Variants in ITFG1 observed in about 807,000 individuals in gnomAD.
The protein encoded by ITFG1 is T-cell immunomodulatory protein.
In ITFG1, 34 loss-of-function variants were observed where a neutral mutation model predicts 81.8. The ratio of observed to expected loss-of-function variants is 0.42; its 90% confidence interval spans 0.32 to 0.55. The LOEUF is 0.55. Ranked by LOEUF, ITFG1 falls within the 20% of genes least tolerant of loss-of-function variation. ITFG1 has a pLI of 0.17. For missense variants in ITFG1, 672 were observed against 755.4 expected (o/e 0.89, Z 1.29); for synonymous variants, 285 against 270.6 (o/e 1.05, Z -0.52).
intron 6 of ITFG1, among the ~76,000 whole-genome samples, chr16:47,415,919 C>G (rs1254438517): frequency 1.3e-5 from 2 of 152,054 alleles, no homozygotes; most frequent in East Asian, 1.9e-4. Flanking sequence ...CATGGTGAAA[C>G]CCCGTCTCTA....
chr16:47,445,111 T>TAA (rs61015312), intron 5 of ITFG1, among the ~76,000 whole-genome samples: 2 of 131,938 alleles, frequency 1.5e-5, no homozygotes, highest in Non-Finnish European at 1.7e-5. Context: ...AAATGTACAT[T>TAA]AAAAAAAAAA....
At chr16:47,291,524 C>T (rs1966905600) in intron 10 of ITFG1, among the ~76,000 whole-genome samples, 1 of 152,106 alleles carries the variant, frequency 6.6e-6, no homozygotes, top group Non-Finnish European at 1.5e-5. Flanking sequence ...ATTTCATTAA[C>T]CAGATTTTCT....
chr16:47,222,899 T>A (rs143903657), intron 13 of ITFG1, among the ~76,000 whole-genome samples: 16 of 152,202 alleles, frequency 1.1e-4, no homozygotes, highest in African/African-American at 3.9e-4. Context: ...GGGTGGAGAG[T>A]TCTGTAGATG....
chr16:47,270,308 C>T (rs1451590354), intron 10 of ITFG1, among the ~76,000 whole-genome samples: 1 of 152,080 alleles, frequency 6.6e-6, no homozygotes, highest in Non-Finnish European at 1.5e-5. Context: ...AATGACATAT[C>T]CAATAACAAA....
intron 7 of ITFG1, among the ~76,000 whole-genome samples, chr16:47,373,570 C>A (rs1384348311): frequency 1.3e-5 from 2 of 152,146 alleles, no homozygotes; most frequent in African/African-American, 4.8e-5. Flanking sequence ...TGTGAGCCAC[C>A]ACACCTGGCC....
At chr16:47,357,223 T>C (rs1234964667) in intron 8 of ITFG1, among the ~76,000 whole-genome samples, 1 of 152,166 alleles carries the variant, frequency 6.6e-6, no homozygotes, top group Non-Finnish European at 1.5e-5. Context: ...AGCAATATAA[T>C]AATGTAAAAT....
chr16:47,425,185 G>A (rs1384500633), intron 6 of ITFG1, among the ~76,000 whole-genome samples: 2 of 152,140 alleles, frequency 1.3e-5, no homozygotes, highest in Admixed American at 6.5e-5. Flanking sequence ...CTGCAGCATC[G>A]CAGGTTGATC....
intron 8 of ITFG1, among the ~76,000 whole-genome samples, chr16:47,356,045 G>C (rs1381350917): frequency 1.3e-5 from 2 of 152,172 alleles, no homozygotes; most frequent in Non-Finnish European, 2.9e-5. Flanking sequence ...TGAAGAAGGA[G>C]TGTATAGTGT....
chr16:47,430,916 T>C (rs1173395531), intron 5 of ITFG1, among the ~76,000 whole-genome samples: 2 of 152,196 alleles, frequency 1.3e-5, no homozygotes, highest in African/African-American at 4.8e-5. Flanking sequence ...CAAGTGGAAA[T>C]AACACGAATT....
At chr16:47,425,869 G>A (rs1364777179) in intron 6 of ITFG1, 2 of 152,100 alleles carry the variant, frequency 1.3e-5, no homozygotes, top group African/African-American at 4.8e-5. Flanking sequence ...GGGATTACAG[G>A]AGTGAGTCAC....
chr16:47,389,922 A>G (rs1968509502), intron 6 of ITFG1, among the ~76,000 whole-genome samples: 1 of 152,266 alleles, frequency 6.6e-6, no homozygotes, highest in Non-Finnish European at 1.5e-5. Context: ...TGTAAACTCA[A>G]CTGTTGCAAT....
At chr16:47,323,471 A>T (rs759940300) in intron 8 of ITFG1, among the ~76,000 whole-genome samples, 1 of 150,916 alleles carries the variant, frequency 6.6e-6, no homozygotes, top group Non-Finnish European at 1.5e-5. Context: ...GTATTATCAG[A>T]TGTGGCTATT....
intron 14 of ITFG1, among the ~76,000 whole-genome samples, chr16:47,217,615 T>C (rs1965640039): frequency 6.6e-6 from 1 of 152,216 alleles, no homozygotes; most frequent in Non-Finnish European, 1.5e-5. Context: ...CTGCTGTGAC[T>C]GACAGTGGTA....
intron 12 of ITFG1, among the ~76,000 whole-genome samples, chr16:47,251,111 T>A (rs1966068954): frequency 6.6e-6 from 1 of 152,226 alleles, no homozygotes; most frequent in Non-Finnish European, 1.5e-5. Context: ...AGCAAAGCAG[T>A]GAGTTCCTCC....
In ITFG1 at chr16:47,429,706, G is replaced by A. The variant is rs538176417; in HGVS notation, c.561-808C>T. On this transcript the variant is annotated intron_variant, in intron 5 of 17. Coordinates refer to ENST00000320640, the MANE Select transcript of ITFG1 (RefSeq NM_030790.5). Reference sequence around the variant, plus strand: ...CTGAACATGTTTGCTGTGGTTACTGGCCATCCGTATACATTCTCTGGAGAA... The same window carrying A: ...CTGAACATGTTTGCTGTGGTTACTGACCATCCGTATACATTCTCTGGAGAA... 1.2e-4 allele frequency among the ~76,000 whole-genome samples: 19 copies of A among 152,240 alleles called. No individual in the cohort carries two copies. In the East Asian group the frequency reaches 3.5e-3, roughly 28 times the overall value.
At chr16:47,306,541 CA>C (rs1967162291) in intron 10 of ITFG1, among the ~76,000 whole-genome samples, 3 of 151,724 alleles carry the variant, frequency 2.0e-5, no homozygotes, top group Admixed American at 1.3e-4. Flanking sequence ...CACTTATTAT[CA>C]AAATATATGA....
Position 47,452,741 on chromosome 16 carries a change from T to C in ITFG1, c.477A>G (p.Leu159=), listed in dbSNP as rs781625665. ...AGCAAGCCCATACTTACTCCATAATTAGTGGCTCATCTTGAAAAGTCCTAT... is the reference window on the plus strand; with the variant it reads ...AGCAAGCCCATACTTACTCCATAATCAGTGGCTCATCTTGAAAAGTCCTAT... ...ILNRTFQDEP[L]IMDFNGDLIP... The change falls in exon 4 of 18, where the codon CTA becomes CTG. Residue 159 remains leucine (L), a synonymous_variant. Coordinates refer to ENST00000320640, the MANE Select transcript of ITFG1 (RefSeq NM_030790.5). 6.3e-7 allele frequency: 1 copy of C among 1,587,346 alleles called. No individual in the cohort carries two copies. Among genetic ancestry groups the C allele is most frequent in the Non-Finnish European group, 8.6e-7 (1 of 1,162,734 alleles).
At chr16:47,311,499 C>T in intron 9 of ITFG1, 87 bp from the exon 10 acceptor site, 4 of 1,011,140 alleles carry the variant, frequency 4.0e-6, no homozygotes, top group Non-Finnish European at 5.6e-6. Flanking sequence ...ATTAAGTTTT[C>T]AAGATAAGCA....
intron 5 of ITFG1, among the ~76,000 whole-genome samples, chr16:47,445,765 A>G (rs905903360): frequency 6.6e-5 from 10 of 152,188 alleles, no homozygotes; most frequent in African/African-American, 2.4e-4. Flanking sequence ...GTTTCATGGA[A>G]TGCTTTTGAA....
Sources: allele counts gnomAD v4.1 joint callset (sites outside exome capture counted in the v4.1 genomes callset), GRCh38; gene constraint gnomAD v4.1.1; transcripts MANE v1.5; gene names NCBI Gene and HGNC (gene_info 2026-07-23, HGNC 2026-07-21).